CUBN: variants seen among roughly 807,000 people sequenced by gnomAD.
CUBN encodes the protein 460 kDa receptor.
A neutral mutation model predicts 405.3 loss-of-function variants in CUBN; 282 were observed. The ratio of observed to expected loss-of-function variants is 0.70; its 90% CI spans 0.63 to 0.77. CUBN has a LOEUF of 0.77. Ranked by LOEUF, CUBN falls within the 30% of genes least tolerant of loss-of-function variation. The pLI, the probability that CUBN is intolerant of heterozygous loss-of-function variation, is 0.00. For synonymous variants in CUBN, 1,684 were observed against 1,617.0 expected (o/e 1.04, Z -0.99); for missense variants, 4,514 against 4,475.2 (o/e 1.01, Z -0.25).
At chr10:16,933,012 GC>G in intron 40 of CUBN, 74 bp downstream of exon 40, 1 of 1,464,234 alleles carries the variant, frequency 6.8e-7, no homozygotes, top group Non-Finnish European at 9.6e-7. Context: ...GAGGCAGTAT[GC>G]AAGTCTGATG....
At chr10:16,975,787 C>T (rs1833075886) in intron 31 of CUBN, among the ~76,000 whole-genome samples, 1 of 151,518 alleles carries the variant, frequency 6.6e-6, no homozygotes, top group Non-Finnish European at 1.5e-5. Context: ...CACACCACCA[C>T]ACCCAGCTAG....
intron 56 of CUBN, among the ~76,000 whole-genome samples, chr10:16,881,340 A>T (rs1465988408): frequency 6.6e-6 from 1 of 152,212 alleles, no homozygotes; most frequent in Non-Finnish European, 1.5e-5. Context: ...CATAAGGTAT[A>T]GTGTCACTTA....
chr10:16,928,640 C>T (rs1049576377), intron 40 of CUBN, among the ~76,000 whole-genome samples: 7 of 150,346 alleles, frequency 4.7e-5, no homozygotes, highest in African/African-American at 1.7e-4. Context: ...AGTGATTCTC[C>T]TGCCTCAGCC....
At chr10:17,073,978 T>C (rs1000959247) in intron 17 of CUBN, among the ~76,000 whole-genome samples, 10 of 152,208 alleles carry the variant, frequency 6.6e-5, no homozygotes, top group Non-Finnish European at 1.5e-4. Flanking sequence ...CTGGACATTT[T>C]TGGAGGTGAA....
chr10:16,968,966 G>T (rs1707281), intron 31 of CUBN, among the ~76,000 whole-genome samples: 48,519 of 152,120 alleles, frequency 0.32, 8,755 homozygotes, highest in Middle Eastern at 0.44. Flanking sequence ...AAACCTGCCT[G>T]CAAGTCCAGC....
chr10:17,102,191 T>C (rs1229712444), intron 13 of CUBN, among the ~76,000 whole-genome samples: 1 of 152,116 alleles, frequency 6.6e-6, no homozygotes, highest in Non-Finnish European at 1.5e-5. Flanking sequence ...CTAAGAAGTG[T>C]TAACAAAAAA....
At chr10:17,029,824 T>C (rs533577556) in intron 27 of CUBN, among the ~76,000 whole-genome samples, 2 of 152,348 alleles carry the variant, frequency 1.3e-5, no homozygotes, top group South Asian at 4.1e-4. Flanking sequence ...AACAGGATTT[T>C]ATCTACAATC....
At chr10:17,113,517 C>A (rs188854240) in intron 8 of CUBN, among the ~76,000 whole-genome samples, 1 of 152,098 alleles carries the variant, frequency 6.6e-6, no homozygotes, top group Non-Finnish European at 1.5e-5. Flanking sequence ...ACTAACGGAG[C>A]CCATGTTTTC....
intron 53 of CUBN, among the ~76,000 whole-genome samples, chr10:16,899,841 T>C (rs1841304744): frequency 1.3e-5 from 2 of 152,212 alleles, no homozygotes; most frequent in Non-Finnish European, 2.9e-5. Context: ...CCAGTGGTTG[T>C]TAACCAGGGG....
At position 16,831,241 on chromosome 10, in the gene CUBN, A is replaced by G; in HGVS notation, c.10528+11T>C. The G allele has an allele frequency of 6.2e-7, 1 of 1,613,716 alleles. No individual in the cohort carries two copies. Among genetic ancestry groups the G allele is most frequent in the Non-Finnish European group, 8.5e-7 (1 of 1,179,576 alleles). On this transcript the variant is annotated intron_variant, in intron 65 of 66. Coordinates refer to ENST00000377833, the MANE Select transcript of CUBN (RefSeq NM_001081.4). The stretch of plus-strand genomic sequence containing the variant: ...CACAGTGCTTTCCTGTACAAAGTGC[A>G]AATGTCTTACCAGAGGGTGATGAAG...
chr10:16,929,387 G>T (rs773081727), intron 40 of CUBN, among the ~76,000 whole-genome samples: 2 of 152,002 alleles, frequency 1.3e-5, no homozygotes, highest in African/African-American at 2.4e-5. Flanking sequence ...AAAATATGTT[G>T]TTTTTTTCTC....
chr10:16,889,953 A>AAAAAAAAAAG lies in CUBN; in HGVS notation c.8755+417_8755+418insCTTTTTTTTT, dbSNP rs57009841. ...GCCGTGTCAAAAAAAAAAAAAAAAAACAGGAAAGACTTCGTCATGGAAATT... is the reference window on the plus strand; with the variant it reads ...GCCGTGTCAAAAAAAAAAAAAAAAAAAAAAAAAAAGCAGGAAAGACTTCGTCATGGAAATT... On this transcript the variant is annotated intron_variant, in intron 55 of 66. Transcript: ENST00000377833. Among the ~76,000 whole-genome samples, 15 of 118,028 alleles carry AAAAAAAAAAG rather than the reference A, an allele frequency of 1.3e-4. 2 individuals are homozygous for AAAAAAAAAAG. The highest frequency in any genetic ancestry group is 4.2e-4 in the African/African-American group (10 of 23,886). The allele number at this position is 118,028 out of a possible 152,430, so 77.4% of individuals were successfully genotyped here.
chr10:17,117,064 T>C (rs917853718), intron 6 of CUBN, among the ~76,000 whole-genome samples: 1 of 152,114 alleles, frequency 6.6e-6, no homozygotes, highest in African/African-American at 2.4e-5. Flanking sequence ...CTCACTAAGA[T>C]AAAGTCATAG....
chr10:16,911,677 A>G (rs967539150), intron 48 of CUBN, among the ~76,000 whole-genome samples: 4 of 152,226 alleles, frequency 2.6e-5, no homozygotes, highest in Non-Finnish European at 5.9e-5. Flanking sequence ...CTCTGCTTGT[A>G]AAATTCCTGA....
In CUBN at chr10:16,925,725, C is replaced by A. The variant is rs776028636; in HGVS notation, c.6321G>T (p.Lys2107Asn). The A allele has an allele frequency of 6.2e-7, 1 of 1,614,006 alleles. No homozygotes were observed. Among genetic ancestry groups the A allele is most frequent in the Non-Finnish European group, 8.5e-7 (1 of 1,179,956 alleles). The change falls in exon 42 of 67, where the codon AAG becomes AAT. Residue 2107 changes from lysine to asparagine, a missense_variant. Lys to Asn is a moderately conservative substitution (Grantham distance 94, BLOSUM62 0). This residue lies in a region of CUBN where 1,613 missense variants were observed against 1,542.8 expected (regional missense o/e 1.05). Transcript: ENST00000377833. Reference sequence around the variant, plus strand: ...GGTTGGATGGGTAAGTCTCTGGATACTTGGGGGACGTGATGATCCCTCTGT... The same window carrying A: ...GGTTGGATGGGTAAGTCTCTGGATAATTGGGGGACGTGATGATCCCTCTGT... ...HADRGIITSP[K>N]YPETYPSNLN... is the part of the protein sequence containing the mutation.
chr10:17,124,134 A>G (rs1346836394), intron 4 of CUBN, among the ~76,000 whole-genome samples: 6 of 152,204 alleles, frequency 3.9e-5, no homozygotes, highest in Non-Finnish European at 8.8e-5. Flanking sequence ...CCTTTGAAAT[A>G]TAATCATCTG....
intron 59 of CUBN, among the ~76,000 whole-genome samples, chr10:16,862,117 C>T (rs1840030597): frequency 6.6e-6 from 1 of 151,462 alleles, no homozygotes; most frequent in Non-Finnish European, 1.5e-5. Context: ...CCATTGCACT[C>T]CAGCCTGGCA....
chr10:16,893,987 C>T (rs1240346721), intron 54 of CUBN, among the ~76,000 whole-genome samples: 5 of 152,126 alleles, frequency 3.3e-5, no homozygotes, highest in South Asian at 2.1e-4. Context: ...AAGTTAATGA[C>T]GTTGAACATC....
At chr10:16,863,077 C>T (rs573278066) in intron 59 of CUBN, among the ~76,000 whole-genome samples, 105 of 152,314 alleles carry the variant, frequency 6.9e-4, no homozygotes, top group Admixed American at 3.9e-3. Context: ...TGGTATTTAA[C>T]TCCTGTCTAC....
Sources: allele counts gnomAD v4.1 joint callset (sites outside exome capture counted in the v4.1 genomes callset), GRCh38; gene constraint gnomAD v4.1.1; regional missense constraint gnomAD v4.1.1; transcripts MANE v1.5; gene names NCBI Gene and HGNC (gene_info 2026-07-23, HGNC 2026-07-21).